Variants in SMIM45 observed in about 807,000 individuals in gnomAD.
SMIM45 encodes the protein long intergenic non-protein coding RNA 634.
At chr22:41,953,369 C>T in the SMIM45 span, among the ~76,000 whole-genome samples, 6 of 152,140 alleles carry the variant, frequency 3.9e-5, no homozygotes, top group Non-Finnish European at 8.8e-5. Flanking sequence ...CTTTCCTCCC[C>T]AGAAGCAAGG....
At chr22:41,951,781 AACATATG>A in the SMIM45 span, among the ~76,000 whole-genome samples, 3 of 152,156 alleles carry the variant, frequency 2.0e-5, no homozygotes, top group Admixed American at 6.5e-5. Context: ...TTCCTTGTAT[AACATATG>A]ACCCCCTTGA....
chr22:41,948,932 G>T, the SMIM45 span, among the ~76,000 whole-genome samples: 1 of 152,172 alleles, frequency 6.6e-6, no homozygotes, highest in Non-Finnish European at 1.5e-5. Context: ...GGGCGTGGTG[G>T]TGCATGCCTG....
the SMIM45 span, among the ~76,000 whole-genome samples, chr22:41,949,219 TG>T: frequency 1.7e-4 from 26 of 150,550 alleles, no homozygotes; most frequent in African/African-American, 6.4e-4. Context: ...CACTCCAGCC[TG>T]GGTGACATGT....
the SMIM45 span, among the ~76,000 whole-genome samples, chr22:41,956,711 C>G: frequency 6.6e-6 from 1 of 152,348 alleles, no homozygotes; most frequent in East Asian, 1.9e-4. Context: ...AGGTGTTGCC[C>G]CTTTCCCCTT....
the SMIM45 span, among the ~76,000 whole-genome samples, chr22:41,951,016 TCA>T: frequency 1.3e-5 from 2 of 152,124 alleles, no homozygotes; most frequent in East Asian, 3.9e-4. Context: ...CTCTGTGAAC[TCA>T]CAGTCACCCC....
At chr22:41,947,303 C>T in the SMIM45 span, 1 of 580,320 alleles carries the variant, frequency 1.7e-6, no homozygotes, top group South Asian at 2.1e-5. Flanking sequence ...TTCCACGCTC[C>T]ACAGTAAGCA....
At chr22:41,950,615 C>A in the SMIM45 span, among the ~76,000 whole-genome samples, 121 of 152,120 alleles carry the variant, frequency 8.0e-4, 3 homozygotes, top group South Asian at 0.024. Flanking sequence ...GGAGGATCAC[C>A]TGAGCCCAGG....
chr22:41,947,487 C>T, the SMIM45 span, among the ~76,000 whole-genome samples: 3 of 151,990 alleles, frequency 2.0e-5, no homozygotes, highest in Non-Finnish European at 2.9e-5. Flanking sequence ...CCTGCCTCAG[C>T]CTCCCAAGGA....
At chr22:41,949,154 A>G in the SMIM45 span, among the ~76,000 whole-genome samples, 1 of 152,082 alleles carries the variant, frequency 6.6e-6, no homozygotes, top group South Asian at 2.1e-4. Context: ...CTGAGGCAGG[A>G]GAATCACTTG....
At chr22:41,958,879 T>A in the SMIM45 span, 5 of 160,788 alleles carry the variant, frequency 3.1e-5, no homozygotes, top group African/African-American at 1.2e-4. Flanking sequence ...CCCGCCCCCC[T>A]TCGCTGGGGC....
At chr22:41,949,886 G>A in the SMIM45 span, among the ~76,000 whole-genome samples, 2 of 152,068 alleles carry the variant, frequency 1.3e-5, no homozygotes, top group African/African-American at 4.8e-5. Context: ...ACATGATGAA[G>A]GGTAGGGATG....
At chr22:41,947,135 G>A in the SMIM45 span, 1 of 1,564,044 alleles carries the variant, frequency 6.4e-7, no homozygotes, top group Non-Finnish European at 8.8e-7. Flanking sequence ...AAACCGCCCT[G>A]AGTCCAGCCC....
chr22:41,957,467 C>T, the SMIM45 span, among the ~76,000 whole-genome samples: 2 of 151,712 alleles, frequency 1.3e-5, no homozygotes, highest in Admixed American at 6.6e-5. Context: ...CTCCAAAGTG[C>T]TGGGATTACA....
the SMIM45 span, among the ~76,000 whole-genome samples, chr22:41,953,990 C>CA: frequency 0.016 from 1,966 of 126,518 alleles, 41 homozygotes; most frequent in African/African-American, 0.045. Context: ...GATCAAGTCT[C>CA]AAAAAAAAAA....
chr22:41,955,546 C>G, the SMIM45 span, among the ~76,000 whole-genome samples: 1 of 152,076 alleles, frequency 6.6e-6, no homozygotes, highest in Non-Finnish European at 1.5e-5. Flanking sequence ...GTGGCTCACG[C>G]CTGTAATCCC....
At chr22:41,946,978 G>T in the SMIM45 span, 1 of 1,604,684 alleles carries the variant, frequency 6.2e-7, no homozygotes, top group Non-Finnish European at 8.5e-7. Flanking sequence ...GCACCGCCCA[G>T]GAGGAAAAAC....
At chr22:41,956,730 G>T in the SMIM45 span, among the ~76,000 whole-genome samples, 2 of 152,240 alleles carry the variant, frequency 1.3e-5, no homozygotes, top group African/African-American at 4.8e-5. Flanking sequence ...TTCCATAGGG[G>T]AGGAAGCTGA....
the SMIM45 span, among the ~76,000 whole-genome samples, chr22:41,954,293 G>T: frequency 2.2e-5 from 3 of 139,100 alleles, no homozygotes; most frequent in African/African-American, 5.5e-5. Flanking sequence ...TGCAAACTCC[G>T]CCTCCCAGGC....
At chr22:41,955,552 A>G in the SMIM45 span, among the ~76,000 whole-genome samples, 81 of 151,840 alleles carry the variant, frequency 5.3e-4, 2 homozygotes, top group South Asian at 0.016. Flanking sequence ...CACGCCTGTA[A>G]TCCCAGCACT....
Sources: allele counts gnomAD v4.1 joint callset (sites outside exome capture counted in the v4.1 genomes callset), GRCh38; gene constraint gnomAD v4.1.1; transcripts MANE v1.5; gene names NCBI Gene and HGNC (gene_info 2026-07-23, HGNC 2026-07-21).